The following CD8B variants were observed in gnomAD, a reference collection of about 807,000 sequenced individuals.
CD8B encodes the protein CD8 subunit beta.
CD8B carries 6 observed loss-of-function variants against 24.2 expected under a neutral mutation model. The ratio of observed to expected loss-of-function variants is 0.25; its 90% CI spans 0.14 to 0.49. The LOEUF is 0.49. CD8B is among the 20% of genes least tolerant of loss of function. The pLI is 0.98. For synonymous variants in CD8B, 84 were observed against 108.3 expected, an observed-to-expected ratio of 0.78 and a Z score of 1.39; for missense variants, 196 against 271.3, an observed-to-expected ratio of 0.72 and a Z score of 1.95.
chr2:86,831,768 A>G (rs944641853), intron 5 of CD8B, among the ~76,000 whole-genome samples: 38 of 152,186 alleles, frequency 2.5e-4, no homozygotes, highest in Non-Finnish European at 4.4e-5. Context: ...GAAACTGAAG[A>G]TCAGCCTCAG....
At chr2:86,846,798 G>T in intron 3 of CD8B, 25 bp from the exon 4 acceptor site, 1 of 1,500,070 alleles carries the variant, frequency 6.7e-7, no homozygotes, top group Non-Finnish European at 9.1e-7. Context: ...TGTGACATGT[G>T]TTCAACACGG....
intron 5 of CD8B, among the ~76,000 whole-genome samples, chr2:86,831,510 T>C (rs888648359): frequency 6.6e-6 from 1 of 152,226 alleles, no homozygotes; most frequent in Admixed American, 6.5e-5. Flanking sequence ...CAGCTGATAA[T>C]CCCATGAGGA....
At position 86,853,697 on chromosome 2, in the gene CD8B, A is replaced by T. The variant is rs545343842; in HGVS notation, c.404-611T>A. Among the ~76,000 whole-genome samples, 5 of 151,374 alleles carry T rather than the reference A, an allele frequency of 3.3e-5. No individual in the cohort carries two copies. In the South Asian group the frequency reaches 8.3e-4, roughly 25 times the overall value. On this transcript the variant is annotated intron_variant, in intron 2 of 5. Coordinates refer to ENST00000390655, the MANE Select transcript of CD8B (RefSeq NM_004931.5). ...CTACACCTCTGATTTATTTATTTTTATTTATTTATTTATTTATTTATTTTT... is the reference window on the plus strand; with the variant it reads ...CTACACCTCTGATTTATTTATTTTTTTTTATTTATTTATTTATTTATTTTT...
chr2:86,834,928 T>C (rs1418981824), downstream of CD8B, among the ~76,000 whole-genome samples: 3 of 105,632 alleles, frequency 2.8e-5, no homozygotes, highest in African/African-American at 7.9e-5. Flanking sequence ...AGAGCAAAAC[T>C]CTGTCTCAAA....
chr2:86,817,261 A>G (rs1674288575), intron 5 of CD8B, among the ~76,000 whole-genome samples: 1 of 152,196 alleles, frequency 6.6e-6, no homozygotes, highest in Non-Finnish European at 1.5e-5. Flanking sequence ...AAAAATATCT[A>G]TTAAAAATGA....
At chr2:86,837,492 G>A (rs975385570), downstream of CD8B, among the ~76,000 whole-genome samples, 6 of 152,214 alleles carry the variant, frequency 3.9e-5, no homozygotes, top group African/African-American at 1.2e-4. Context: ...GTGACGCATC[G>A]AAGGAGGTTT....
chr2:86,837,115 C>T (rs1023793027), downstream of CD8B, among the ~76,000 whole-genome samples: 1 of 152,194 alleles, frequency 6.6e-6, no homozygotes, highest in African/African-American at 2.4e-5. Flanking sequence ...TATAAGTGCG[C>T]CACTACACTC....
intron 5 of CD8B, among the ~76,000 whole-genome samples, chr2:86,828,053 T>C (rs1026493938): frequency 6.6e-6 from 1 of 152,210 alleles, no homozygotes; most frequent in Non-Finnish European, 1.5e-5. Context: ...GCCTGGTGAC[T>C]TGACTGAGTT....
intron 5 of CD8B, among the ~76,000 whole-genome samples, chr2:86,829,514 A>G (rs925422630): frequency 6.6e-6 from 1 of 152,138 alleles, no homozygotes; most frequent in Admixed American, 6.5e-5. Flanking sequence ...TAAAAAGAGA[A>G]AGCAGATAAG....
intron 3 of CD8B, among the ~76,000 whole-genome samples, chr2:86,850,438 G>A (rs1675918790): frequency 6.6e-6 from 1 of 152,178 alleles, no homozygotes; most frequent in South Asian, 2.1e-4. Flanking sequence ...AGGCTTTGAG[G>A]TCTGTGTGGA....
chr2:86,815,802 T>C, intron 5 of CD8B: 1 of 788,680 alleles, frequency 1.3e-6, no homozygotes, highest in East Asian at 2.4e-5. Flanking sequence ...CTGATTTTTT[T>C]CTGTGACTCA....
chr2:86,820,467 A>G (rs537959019), intron 5 of CD8B, among the ~76,000 whole-genome samples: 1 of 152,366 alleles, frequency 6.6e-6, no homozygotes, highest in Admixed American at 6.5e-5. Flanking sequence ...CAAAGAAATT[A>G]TGACTCACTG....
Position 86,841,972 on chromosome 2 carries a change from G to T in CD8B, c.*335C>A. 4 of 1,071,996 alleles carry T rather than the reference G, an allele frequency of 3.7e-6. No homozygotes were observed. The highest frequency in any genetic ancestry group is 4.5e-6 in the Non-Finnish European group (4 of 886,988). 66.4% of individuals were successfully genotyped at this position (1,071,996 alleles called of 1,614,324 possible). The stretch of plus-strand genomic sequence containing the variant: ...CAGGGCAAAGCAACCTGCAAAGATG[G>T]TGGCTAAATGGCCACCACTAAAGGT... On this transcript the variant is annotated 3_prime_UTR_variant, in exon 6 of 6. Coordinates refer to ENST00000390655, the MANE Select transcript of CD8B (RefSeq NM_004931.5).
chr2:86,834,851 G>T (rs1309665088), downstream of CD8B, among the ~76,000 whole-genome samples: 7 of 150,058 alleles, frequency 4.7e-5, no homozygotes, highest in Non-Finnish European at 8.9e-5. Flanking sequence ...CAGGAGAATC[G>T]CTTGAACCCG....
At chr2:86,847,182 C>T (rs1366723648) in intron 3 of CD8B, among the ~76,000 whole-genome samples, 1 of 151,840 alleles carries the variant, frequency 6.6e-6, no homozygotes, top group African/African-American at 2.4e-5. Flanking sequence ...AGCAATCCGC[C>T]CACCTTGGCC....
At position 86,839,200 on chromosome 2, in the gene CD8B, C is replaced by T. The variant is rs1010592702; in HGVS notation, c.*3107G>A. 6.6e-6 allele frequency among the ~76,000 whole-genome samples: 1 copy of T among 152,166 alleles called. No homozygotes were observed. Among genetic ancestry groups the T allele is most frequent in the African/African-American group, 2.4e-5 (1 of 41,432 alleles). Reference sequence around the variant, plus strand: ...TTAAAAATATATGCATTTGTCATAACCATCATTTGATATCAGCATATATGG... The same window carrying T: ...TTAAAAATATATGCATTTGTCATAATCATCATTTGATATCAGCATATATGG... On this transcript the variant is annotated 3_prime_UTR_variant, in exon 6 of 6. Transcript: ENST00000390655.
intron 5 of CD8B, 162 bp downstream of exon 5, chr2:86,844,760 A>C (rs896979651): frequency 1.1e-4 from 176 of 1,536,202 alleles, no homozygotes; most frequent in Non-Finnish European, 1.5e-4. Context: ...CTCCTGCTTC[A>C]GCCTCCCGAG....
In CD8B at chr2:86,832,712, C is replaced by T. The variant is rs544999543; in HGVS notation, c.620+12210G>A. On this transcript the variant is annotated intron_variant, in intron 5 of 5. Coordinates refer to the CD8B transcript ENST00000331469. ...TTGAGCTTTGTAAGCTGCCCCAAAT[C>T]CTTTTTGGGAATTAGACAATGCAAG... Among the ~76,000 whole-genome samples, 3 of 151,812 alleles carry T rather than the reference C, an allele frequency of 2.0e-5. No individual in the cohort carries two copies. In the South Asian group the frequency reaches 6.2e-4, roughly 32 times the overall value.
chr2:86,815,679 T>C (rs530502587), exon 6 of CD8B: 57 of 1,613,376 alleles, frequency 3.5e-5, no homozygotes, highest in Middle Eastern at 1.7e-4. Context: ...CATGCAGGCA[T>C]TGGGGGACAA....
Sources: allele counts gnomAD v4.1 joint callset (sites outside exome capture counted in the v4.1 genomes callset), GRCh38; gene constraint gnomAD v4.1.1; transcripts MANE v1.5; gene names NCBI Gene and HGNC (gene_info 2026-07-23, HGNC 2026-07-21).